TTC27: variants seen among roughly 807,000 people sequenced by gnomAD.
The protein encoded by TTC27 is tetratricopeptide repeat protein 27.
Under a neutral mutation model 115.9 loss-of-function variants are expected in TTC27, and 79 were observed. The ratio of observed to expected loss-of-function variants is 0.68; its 90% CI spans 0.57 to 0.82. The LOEUF (loss-of-function observed/expected upper bound fraction) is 0.82. Ranked by LOEUF, TTC27 falls within the 40% of genes least tolerant of loss-of-function variation. The pLI, the probability that TTC27 is intolerant of heterozygous loss-of-function variation, is 0.00. For missense variants in TTC27, 1,054 were observed against 993.1 expected (o/e 1.06, Z -0.82); for synonymous variants, 401 against 356.0 (o/e 1.13, Z -1.42).
chr2:32,752,010 C>T (rs2147985164), intron 12 of TTC27, among the ~76,000 whole-genome samples: 1 of 152,304 alleles, frequency 6.6e-6, no homozygotes, highest in Non-Finnish European at 1.5e-5. Context: ...TCAGTCACTA[C>T]TTAAGATCCA....
chr2:32,789,964 C>G (rs1421489852), intron 16 of TTC27, among the ~76,000 whole-genome samples: 1 of 143,918 alleles, frequency 6.9e-6, no homozygotes, highest in African/African-American at 2.6e-5. Flanking sequence ...CTTTCAGGAG[C>G]CTTCCCTAAG....
chr2:32,755,652 C>T (rs1572581100), intron 12 of TTC27, among the ~76,000 whole-genome samples: 1 of 89,822 alleles, frequency 1.1e-5, no homozygotes, highest in African/African-American at 4.0e-5. Context: ...GGAGAGGGAG[C>T]CGGAGCCATT....
At chr2:32,646,640 T>C (rs1033095021) in intron 4 of TTC27, among the ~76,000 whole-genome samples, 3 of 143,340 alleles carry the variant, frequency 2.1e-5, no homozygotes, top group Non-Finnish European at 3.0e-5. Flanking sequence ...CTCTGCTCAC[T>C]GCAAGCTCCA....
At chr2:32,807,116 A>G (rs751854481) in intron 16 of TTC27, among the ~76,000 whole-genome samples, 10 of 152,014 alleles carry the variant, frequency 6.6e-5, no homozygotes, top group Non-Finnish European at 1.3e-4. Flanking sequence ...AATCACCACT[A>G]TGGGACATTA....
In TTC27 at chr2:32,666,708, G is replaced by A. The variant is rs1224977433; in HGVS notation, c.879G>A (p.Gly293=). The change falls in exon 7 of 20, where the codon GGG becomes GGA. Residue 293 remains glycine (G), a synonymous_variant. Coordinates refer to ENST00000317907, the MANE Select transcript of TTC27 (RefSeq NM_017735.5). ...AQLILDVRRE[G]DVLSNCEFTP... ...TGATTCTAGATGTAAGAAGGGAAGG[G>A]GATGTCCTTTCAAATTGTGAATTCA... 1.9e-6 allele frequency: 3 copies of A among 1,613,880 alleles called. No homozygotes were observed. The South Asian group carries it at 3.3e-5, about 18-fold the overall frequency.
At chr2:32,739,603 T>C (rs1668559239) in intron 12 of TTC27, among the ~76,000 whole-genome samples, 1 of 152,208 alleles carries the variant, frequency 6.6e-6, no homozygotes, top group Non-Finnish European at 1.5e-5. Context: ...ATTTACTTTG[T>C]CTTAAGTTTT....
chr2:32,778,045 G>T (rs2148013301), intron 14 of TTC27, 65 bp downstream of exon 14: 1 of 1,510,904 alleles, frequency 6.6e-7, no homozygotes, highest in African/African-American at 1.4e-5. Flanking sequence ...AAATTGTACT[G>T]TATGGTTCAG....
intron 4 of TTC27, among the ~76,000 whole-genome samples, chr2:32,645,222 C>G (rs145493009): frequency 0.015 from 2,252 of 152,200 alleles, 30 homozygotes; most frequent in Non-Finnish European, 0.025. Context: ...AGTATATAGA[C>G]TAGAATTGGT....
At chr2:32,799,713 TCTG>T (rs1670856825) in intron 16 of TTC27, among the ~76,000 whole-genome samples, 1 of 152,162 alleles carries the variant, frequency 6.6e-6, no homozygotes, top group African/African-American at 2.4e-5. Context: ...AGAGTTAACA[TCTG>T]CTGCAGGAAT....
intron 5 of TTC27, among the ~76,000 whole-genome samples, chr2:32,660,188 A>C (rs1425016343): frequency 2.0e-5 from 3 of 151,920 alleles, no homozygotes; most frequent in African/African-American, 7.3e-5. Context: ...TTGTTTCCTG[A>C]CTTTTTAATG....
chr2:32,724,489 T>G (rs536476624), intron 10 of TTC27, among the ~76,000 whole-genome samples: 2 of 146,426 alleles, frequency 1.4e-5, no homozygotes, highest in South Asian at 2.2e-4. Context: ...CACCACACAG[T>G]TTTTTTTTTT....
At chr2:32,699,451 C>A (rs977741998) in intron 9 of TTC27, among the ~76,000 whole-genome samples, 3 of 152,230 alleles carry the variant, frequency 2.0e-5, no homozygotes, top group African/African-American at 7.2e-5. Context: ...TGAGCTCTCA[C>A]CAGCTGGGGT....
intron 9 of TTC27, among the ~76,000 whole-genome samples, chr2:32,685,338 CGTTAA>C (rs974329987): frequency 6.6e-6 from 1 of 151,980 alleles, no homozygotes; most frequent in South Asian, 2.1e-4. Context: ...CCTGCCTGTT[CGTTAA>C]GTTATCTTGC....
At chr2:32,697,395 C>T (rs944777285) in intron 9 of TTC27, among the ~76,000 whole-genome samples, 1 of 152,156 alleles carries the variant, frequency 6.6e-6, no homozygotes, top group African/African-American at 2.4e-5. Context: ...TTTTCAACAT[C>T]TTCTTTTATC....
At chr2:32,797,183 A>G (rs1367942036) in intron 16 of TTC27, among the ~76,000 whole-genome samples, 1 of 151,250 alleles carries the variant, frequency 6.6e-6, no homozygotes, top group Non-Finnish European at 1.5e-5. Context: ...CAAAAAAAAA[A>G]AAAAAAAAGA....
At chr2:32,646,249 C>T (rs771462871) in intron 4 of TTC27, among the ~76,000 whole-genome samples, 5 of 150,758 alleles carry the variant, frequency 3.3e-5, no homozygotes, top group East Asian at 2.0e-4. Flanking sequence ...CAGATGGTCT[C>T]GATCTCCTGA....
chr2:32,657,454 C>T (rs1346213524), intron 5 of TTC27, among the ~76,000 whole-genome samples: 2 of 149,990 alleles, frequency 1.3e-5, no homozygotes, highest in Admixed American at 6.7e-5. Context: ...CCTGGGTTCA[C>T]GCCATTCTCC....
intron 9 of TTC27, among the ~76,000 whole-genome samples, chr2:32,698,423 C>G (rs1158814786): frequency 8.3e-6 from 1 of 120,268 alleles, no homozygotes. Flanking sequence ...AGCCATCTCA[C>G]CCAGCCATAA....
chr2:32,674,904 C>T lies in TTC27; in HGVS notation c.1052+2520C>T, dbSNP rs569391192. The stretch of plus-strand genomic sequence containing the variant: ...GTCTTGATCTCCTGACCTCGTAATC[C>T]GCCCACCTCGGCCTCCCAAAGTGCT... On this transcript the variant is annotated intron_variant, in intron 8 of 19. Transcript: ENST00000317907. Among the ~76,000 whole-genome samples the T allele has an allele frequency of 7.7e-4, 117 of 152,160 alleles. 1 individual carries two copies. Among genetic ancestry groups the T allele is most frequent in the Non-Finnish European group, 1.3e-3 (88 of 68,008 alleles).
Sources: gnomAD v4.1 joint callset for allele counts (sites outside exome capture counted in the v4.1 genomes callset) on GRCh38, gnomAD v4.1.1 for gene constraint, MANE v1.5 for transcripts, NCBI Gene and HGNC (gene_info 2026-07-23, HGNC 2026-07-21) for gene names.